LY75: variants seen among roughly 807,000 people sequenced by gnomAD.
LY75 encodes the protein lymphocyte antigen 75.
In LY75, 185 loss-of-function variants were observed where a neutral mutation model predicts 231.7. The ratio of observed to expected loss-of-function variants is 0.80; its 90% CI spans 0.71 to 0.90. The LOEUF is 0.90. Ranked by LOEUF, LY75 falls within the 40% of genes least tolerant of loss-of-function variation. The pLI, the probability that LY75 is intolerant of heterozygous loss-of-function variation, is 0.00. For missense variants in LY75, 1,947 were observed against 2,050.2 expected (o/e 0.95, Z 0.97); for synonymous variants, 668 against 689.0 (o/e 0.97, Z 0.48).
At chr2:159,850,650 A>G (rs1438867717) in intron 21 of LY75, among the ~76,000 whole-genome samples, 183 bp from the exon 22 acceptor site, 1 of 150,656 alleles carries the variant, frequency 6.6e-6, no homozygotes, top group African/African-American at 2.4e-5. Flanking sequence ...TTTAAGAGAC[A>G]GAGTCTCTCT....
chr2:159,887,877 G>A (rs1481232026), intron 4 of LY75, among the ~76,000 whole-genome samples: 1 of 152,148 alleles, frequency 6.6e-6, no homozygotes, highest in East Asian at 1.9e-4. Flanking sequence ...ACATTTGATT[G>A]TCACACTTTG....
At chr2:159,887,485 G>C (rs1015119915) in intron 4 of LY75, among the ~76,000 whole-genome samples, 1 of 148,404 alleles carries the variant, frequency 6.7e-6, no homozygotes, top group African/African-American at 2.5e-5. Context: ...TTGAACCCAG[G>C]AGACAGAGGT....
At chr2:159,893,476 C>G (rs1264895184) in intron 3 of LY75, among the ~76,000 whole-genome samples, 2 of 152,180 alleles carry the variant, frequency 1.3e-5, no homozygotes, top group Non-Finnish European at 2.9e-5. Context: ...ATTGTAACTA[C>G]ATAAATTTGT....
At chr2:159,862,104 C>A (rs1024187748) in intron 14 of LY75, among the ~76,000 whole-genome samples, 2 of 151,842 alleles carry the variant, frequency 1.3e-5, no homozygotes, top group African/African-American at 4.8e-5. Flanking sequence ...TTAGAGATCA[C>A]CCTGGCCAAT....
chr2:159,874,173 A>ATT (rs1560093165), intron 12 of LY75, among the ~76,000 whole-genome samples: 238 of 13,056 alleles, frequency 0.018, 2 homozygotes, highest in East Asian at 0.046. Flanking sequence ...ACGTATATAT[A>ATT]TTGTAAATAT....
chr2:159,823,029 A>G (rs1683347456), intron 28 of LY75, among the ~76,000 whole-genome samples: 1 of 152,170 alleles, frequency 6.6e-6, no homozygotes, highest in African/African-American at 2.4e-5. Flanking sequence ...AAAAACCAGA[A>G]CACTTCTTCT....
At position 159,875,303 on chromosome 2, in the gene LY75, C is replaced by T. The variant is rs1574581749; in HGVS notation, c.1974+141G>A. The T allele has an allele frequency of 1.3e-5, 15 of 1,188,330 alleles. No homozygotes were observed. The East Asian group carries it at 4.0e-4, about 32-fold the overall frequency. The allele number at this position is 1,188,330 out of a possible 1,614,324, so 73.6% of individuals were successfully genotyped here. On this transcript the variant is annotated intron_variant, in intron 12 of 34. Transcript: ENST00000263636. Reference sequence around the variant, plus strand: ...ACCTCACACCAGAGGTTCAGCGATGCCCTGCCAAGGACTCTGTGCTCCAGA... The same window carrying T: ...ACCTCACACCAGAGGTTCAGCGATGTCCTGCCAAGGACTCTGTGCTCCAGA...
At chr2:159,887,171 G>A (rs557833659) in intron 4 of LY75, among the ~76,000 whole-genome samples, 3 of 146,346 alleles carry the variant, frequency 2.0e-5, no homozygotes, top group African/African-American at 7.5e-5. Flanking sequence ...AGGGCCCAAA[G>A]GGTCCTGTTT....
intron 26 of LY75, among the ~76,000 whole-genome samples, chr2:159,835,051 C>T (rs1026702182): frequency 2.0e-5 from 3 of 152,142 alleles, no homozygotes; most frequent in African/African-American, 7.2e-5. Flanking sequence ...AGCTCTATCC[C>T]CGTTTTGGGG....
At position 159,878,639 on chromosome 2, in the gene LY75, G is replaced by C. The variant is rs759337740; in HGVS notation, c.1598C>G (p.Thr533Ser). 62 of 1,613,912 alleles carry C rather than the reference G, an allele frequency of 3.8e-5. No homozygotes were observed. The Admixed American group carries it at 9.8e-4, about 26-fold the overall frequency. The change falls in exon 10 of 35, where the codon ACT (threonine) becomes AGT (serine). Residue 533 changes from threonine to serine, a missense_variant. Thr to Ser is a moderately conservative substitution (Grantham distance 58). Transcript: ENST00000263636. Reference protein sequence around the residue: ...PFGTNCNLTITSRFEQEYLND... With the variant: ...PFGTNCNLTISSRFEQEYLND... ...AGTTTACTGATGGTCACACCTGCTA[G>C]TGATAGTCAGATTGCAGTTTGTTCC...
Position 159,854,063 on chromosome 2 carries a change from T to C in LY75, c.2595+297A>G, listed in dbSNP as rs183249373. Among the ~76,000 whole-genome samples the C allele has an allele frequency of 2.8e-3, 419 of 152,286 alleles. 4 individuals carry two copies. Among genetic ancestry groups the C allele is most frequent in the African/African-American group, 9.6e-3 (400 of 41,572 alleles). On this transcript the variant is annotated intron_variant, in intron 18 of 34. Transcript: ENST00000263636. Reference sequence around the variant, plus strand: ...GTTACTTATTAGTAGAAACAGAAACTCAAGTTAACTATAAAGTTGACTTTT... The same window carrying C: ...GTTACTTATTAGTAGAAACAGAAACCCAAGTTAACTATAAAGTTGACTTTT...
intron 8 of LY75, 81 bp from the exon 9 acceptor site, chr2:159,879,450 C>G: frequency 6.4e-7 from 1 of 1,554,074 alleles, no homozygotes; most frequent in African/African-American, 1.4e-5. Context: ...AAAACTATGA[C>G]AGAGACAGAG....
intron 3 of LY75, among the ~76,000 whole-genome samples, chr2:159,892,937 G>T (rs1685803343): frequency 6.6e-6 from 1 of 152,058 alleles, no homozygotes. Flanking sequence ...CTTTGCTTCA[G>T]GCCATAAACA....
chr2:159,845,978 A>G (rs146852873), intron 23 of LY75, among the ~76,000 whole-genome samples: 94 of 151,536 alleles, frequency 6.2e-4, no homozygotes, highest in African/African-American at 2.2e-3. Flanking sequence ...TTTTTTTTTA[A>G]ACATAGACAG....
At chr2:159,879,086 T>C (rs1016217176) in intron 9 of LY75, among the ~76,000 whole-genome samples, 173 bp downstream of exon 9, 1 of 152,248 alleles carries the variant, frequency 6.6e-6, no homozygotes, top group Non-Finnish European at 1.5e-5. Context: ...TCTGCTTCTG[T>C]AAGAAGGCCA....
rs758297475 is a variant in LY75 at position 159,852,215 on chromosome 2, G to A, written c.2869C>T (p.Pro957Ser). The part of the protein sequence containing the change: ...AKVQCSEQWI[P>S]FQNKCFLKIK... ...TCTCTTTTTACCTTATTCTGAAAAG[G>A]AATCCATTGCTCAGAACATTGCACT... Residue 957 changes from proline to serine, a missense_variant, in exon 21 of 35, where the codon CCT (proline) becomes TCT (serine). Pro to Ser is a moderately conservative substitution (Grantham distance 74). Coordinates refer to ENST00000263636, the MANE Select transcript of LY75 (RefSeq NM_002349.4). 1.2e-5 allele frequency: 19 copies of A among 1,613,362 alleles called. No homozygotes were observed. In the East Asian group the frequency reaches 2.0e-4, roughly 17 times the overall value.
At chr2:159,810,273 C>T (rs1682920204) in intron 32 of LY75, among the ~76,000 whole-genome samples, 1 of 152,102 alleles carries the variant, frequency 6.6e-6, no homozygotes, top group South Asian at 2.1e-4. Flanking sequence ...ACCTCATGAT[C>T]TGCCCGCCTT....
Position 159,882,177 on chromosome 2 carries a change from C to A in LY75, c.1193G>T (p.Ser398Ile), listed in dbSNP as rs368670440. ...CTCCACATCTGCTAGAGAATGAATGCTGATTAGGTCACTACTGAAGGCTTT... is the reference window on the plus strand; with the variant it reads ...CTCCACATCTGCTAGAGAATGAATGATGATTAGGTCACTACTGAAGGCTTT... ...KCKAFSSDLI[S>I]IHSLADVEVV... Residue 398 changes from serine to isoleucine, a missense_variant, in exon 7 of 35, where the codon AGC (serine) becomes ATC (isoleucine). Physicochemically the swap from Ser to Ile is moderately radical, Grantham distance 142. Coordinates refer to ENST00000263636, the MANE Select transcript of LY75 (RefSeq NM_002349.4). The A allele has an allele frequency of 6.2e-7, 1 of 1,613,876 alleles. No homozygotes were observed. The highest frequency in any genetic ancestry group is 8.5e-7 in the Non-Finnish European group (1 of 1,179,852).
chr2:159,875,348 T>C (rs966317814), intron 12 of LY75, 96 bp downstream of exon 12: 24 of 1,490,554 alleles, frequency 1.6e-5, no homozygotes, highest in Admixed American at 4.5e-5. Context: ...TTAGGTTACA[T>C]AGTACTATGG....
Sources: gnomAD v4.1 joint callset for allele counts (sites outside exome capture counted in the v4.1 genomes callset) on GRCh38, gnomAD v4.1.1 for gene constraint, MANE v1.5 for transcripts, NCBI Gene and HGNC (gene_info 2026-07-23, HGNC 2026-07-21) for gene names.